DSC3: variants seen among roughly 807,000 people sequenced by gnomAD.
DSC3 encodes the protein desmocollin-3.
DSC3 carries 97 observed loss-of-function variants against 89.5 expected under a neutral mutation model. The observed-to-expected ratio is 1.08, with a 90% CI of 0.92 to 1.28. The LOEUF (loss-of-function observed/expected upper bound fraction) is 1.28. Ranked by LOEUF, DSC3 falls within the 50% of genes most tolerant of loss-of-function variation. DSC3 has a pLI of 0.00. For missense variants in DSC3, 1,199 were observed against 1,085.3 expected, an observed-to-expected ratio of 1.10 and a Z score of -1.47; for synonymous variants, 436 against 384.1, an observed-to-expected ratio of 1.14 and a Z score of -1.58.
chr18:31,021,333 AG>A (rs1389033149), intron 7 of DSC3, among the ~76,000 whole-genome samples: 4 of 152,220 alleles, frequency 2.6e-5, no homozygotes, highest in Non-Finnish European at 5.9e-5. Context: ...CAGATACAAA[AG>A]CACATTCAGA....
chr18:31,033,840 T>C (rs1985881845), intron 1 of DSC3, among the ~76,000 whole-genome samples: 1 of 152,234 alleles, frequency 6.6e-6, no homozygotes, highest in African/African-American at 2.4e-5. Context: ...TTGTTTTGTT[T>C]TGAGACAGAG....
chr18:31,019,279 C>T (rs1392318298), intron 7 of DSC3, among the ~76,000 whole-genome samples: 1 of 151,922 alleles, frequency 6.6e-6, no homozygotes, highest in African/African-American at 2.4e-5. Context: ...TTTGTAGAGA[C>T]GGGGTTTCAC....
chr18:31,037,024 C>T (rs1303442904), intron 1 of DSC3, among the ~76,000 whole-genome samples: 1 of 152,026 alleles, frequency 6.6e-6, no homozygotes, highest in Non-Finnish European at 1.5e-5. Context: ...AACTCCTGAC[C>T]TCGTGATCTG....
chr18:31,004,255 T>A lies in DSC3; in HGVS notation c.2000A>T (p.Asn667Ile). 6.2e-7 allele frequency: 1 copy of A among 1,614,038 alleles called. No individual in the cohort carries two copies. The highest frequency in any genetic ancestry group is 8.5e-7 in the Non-Finnish European group (1 of 1,179,924). Residue 667 changes from asparagine (N) to isoleucine (I), a missense_variant, in exon 13 of 16, where the codon AAT (asparagine) becomes ATT (isoleucine). Coordinates refer to ENST00000360428, the MANE Select transcript of DSC3 (RefSeq NM_001941.5). ...AGTTGGATGAGTACATTCACACAGA[T>A]TAACTCTCAATAATTTTGTTGCAGC... The part of the protein sequence containing the change: ...GQAATKLLRV[N>I]LCECTHPTQC...
intron 14 of DSC3, among the ~76,000 whole-genome samples, chr18:30,997,275 T>G (rs1000433012): frequency 2.6e-5 from 4 of 152,130 alleles, no homozygotes; most frequent in African/African-American, 9.7e-5. Flanking sequence ...GAACAGAGAT[T>G]TATTTCTTAC....
At position 31,040,424 on chromosome 18, in the gene DSC3, C is replaced by T. The variant is rs571532510; in HGVS notation, c.69+2168G>A. Among the ~76,000 whole-genome samples, 42 of 152,268 alleles carry T rather than the reference C, an allele frequency of 2.8e-4. No individual in the cohort carries two copies. In the East Asian group the frequency reaches 5.2e-3, roughly 19 times the overall value. ...CTGGTTACATTAAGAGGAAAAAACA[C>T]TTTCTGAGGCAATCAAAAACTTACA... On this transcript the variant is annotated intron_variant, in intron 1 of 15. Coordinates refer to ENST00000360428, the MANE Select transcript of DSC3 (RefSeq NM_001941.5).
In DSC3 at chr18:30,996,985, T is replaced by C. The variant is rs745365094; in HGVS notation, c.2299A>G (p.Met767Val). 12 of 1,614,040 alleles carry C rather than the reference T, an allele frequency of 7.4e-6. No individual in the cohort carries two copies. Among genetic ancestry groups the C allele is most frequent in the East Asian group, 2.2e-5 (1 of 44,886 alleles). The change falls in exon 15 of 16, where the codon ATG (methionine) becomes GTG (valine). Residue 767 changes from methionine to valine, a missense_variant. Met to Val is a conservative substitution (Grantham distance 21). Coordinates refer to ENST00000360428, the MANE Select transcript of DSC3 (RefSeq NM_001941.5). ...NNSSQGFCGTMGSGMKNGGQE... is the reference protein window; with the variant it reads ...NNSSQGFCGTVGSGMKNGGQE... ...CCTCCATTTTTCATTCCTGATCCCA[T>C]AGTACCACAAAAACCTTGGCTAGAG...
intron 1 of DSC3, among the ~76,000 whole-genome samples, chr18:31,035,865 T>C (rs1985953245): frequency 6.6e-6 from 1 of 152,172 alleles, no homozygotes; most frequent in Non-Finnish European, 1.5e-5. Flanking sequence ...TAGGATTTTA[T>C]ACTTTCATTA....
At chr18:31,005,960 AT>A (rs901152159) in intron 12 of DSC3, among the ~76,000 whole-genome samples, 10 of 152,216 alleles carry the variant, frequency 6.6e-5, no homozygotes, top group African/African-American at 1.7e-4. Context: ...CATGAAAAAA[AT>A]ATCATGCTCA....
At chr18:31,016,398 C>T (rs1276850632) in intron 9 of DSC3, among the ~76,000 whole-genome samples, 1 of 152,156 alleles carries the variant, frequency 6.6e-6, no homozygotes, top group Non-Finnish European at 1.5e-5. Flanking sequence ...TTGGGATTTG[C>T]CTGCATCAGG....
rs1176120364 is a variant in DSC3, at chr18:30,990,913, TCGA to T, written c.*3259_*3261del. The T allele has an allele frequency of 6.6e-6, 1 of 152,178 alleles. No individual in the cohort carries two copies. Among genetic ancestry groups the T allele is most frequent in the Non-Finnish European group, 1.5e-5 (1 of 68,046 alleles). The allele number at this position is 152,178 out of a possible 1,614,324, so 9.4% of individuals were successfully genotyped here. A position where few individuals can be genotyped will look rare whatever the true frequency, so the allele number is the denominator to read the frequency against. On this transcript the variant is annotated 3_prime_UTR_variant, in exon 16 of 16. Coordinates refer to ENST00000360428, the MANE Select transcript of DSC3 (RefSeq NM_001941.5). Reference sequence around the variant, plus strand: ...AACATTACAATATATATTAATGATGTCGACAATTTGATAATGAAACATTGTCCA... The same window carrying T: ...AACATTACAATATATATTAATGATGTCAATTTGATAATGAAACATTGTCCA...
At chr18:31,020,476 G>T (rs1985380778) in intron 7 of DSC3, among the ~76,000 whole-genome samples, 1 of 152,172 alleles carries the variant, frequency 6.6e-6, no homozygotes, top group Non-Finnish European at 1.5e-5. Context: ...CAGATGGTGT[G>T]GTGATGGTGA....
chr18:30,995,639 T>C (rs1445816252), intron 15 of DSC3, among the ~76,000 whole-genome samples: 2 of 152,122 alleles, frequency 1.3e-5, no homozygotes, highest in East Asian at 3.9e-4. Flanking sequence ...TAGAATCTTT[T>C]AGAGTAGAAC....
At chr18:30,995,561 C>T (rs540598653) in intron 15 of DSC3, among the ~76,000 whole-genome samples, 2 of 152,172 alleles carry the variant, frequency 1.3e-5, no homozygotes, top group South Asian at 4.1e-4. Context: ...TACCTAGCTG[C>T]ACATTTGAAT....
chr18:31,018,898 A>G, intron 7 of DSC3, 98 bp from the exon 8 acceptor site: 3 of 1,116,464 alleles, frequency 2.7e-6, no homozygotes, highest in African/African-American at 3.5e-5. Flanking sequence ...ATACACACAC[A>G]TCTGTGTGTT....
chr18:31,021,036 T>C (rs895313709), intron 7 of DSC3, among the ~76,000 whole-genome samples: 4 of 151,530 alleles, frequency 2.6e-5, no homozygotes, highest in South Asian at 4.2e-4. Context: ...ATATTCTTTT[T>C]ATCTTCCTCT....
At chr18:31,026,914 A>T (rs1479728611) in intron 4 of DSC3, among the ~76,000 whole-genome samples, 1 of 152,114 alleles carries the variant, frequency 6.6e-6, no homozygotes, top group Non-Finnish European at 1.5e-5. Flanking sequence ...GCCATCTGGA[A>T]CCTGCAGAGA....
At chr18:30,996,737 T>G in intron 15 of DSC3, 54 bp downstream of exon 15, 2 of 1,604,874 alleles carry the variant, frequency 1.2e-6, no homozygotes, top group Non-Finnish European at 1.7e-6. Context: ...AATTGTCTAT[T>G]TTTCTCCATT....
intron 4 of DSC3, among the ~76,000 whole-genome samples, chr18:31,027,173 A>G (rs969607022): frequency 6.6e-6 from 1 of 152,118 alleles, no homozygotes; most frequent in African/African-American, 2.4e-5. Flanking sequence ...TTCCTTCTAC[A>G]GTGTCCTCTC....
Sources: gnomAD v4.1 joint callset for allele counts (sites outside exome capture counted in the v4.1 genomes callset) on GRCh38, gnomAD v4.1.1 for gene constraint, MANE v1.5 for transcripts, NCBI Gene and HGNC (gene_info 2026-07-23, HGNC 2026-07-21) for gene names.